The following NRG3 variants were observed in gnomAD, a reference collection of about 807,000 sequenced individuals.
NRG3 encodes pro-neuregulin-3, membrane-bound isoform.
In NRG3, 31 loss-of-function variants were observed where a neutral mutation model predicts 66.9. The ratio of observed to expected loss-of-function variants is 0.46; its 90% CI spans 0.35 to 0.63. The LOEUF is 0.63. Ranked by LOEUF, NRG3 falls within the 20% of genes least tolerant of loss-of-function variation. The pLI, the probability that NRG3 is intolerant of heterozygous loss-of-function variation, is 0.00. For missense variants in NRG3, 910 were observed against 878.9 expected (o/e 1.04, Z -0.45); for synonymous variants, 393 against 359.4 (o/e 1.09, Z -1.06).
chr10:81,883,640 G>T (rs916351865), intron 1 of NRG3, among the ~76,000 whole-genome samples: 1 of 152,106 alleles, frequency 6.6e-6, no homozygotes, highest in Non-Finnish European at 1.5e-5. Context: ...TTACAGCCAG[G>T]GTTATGGGAA....
intron 2 of NRG3, among the ~76,000 whole-genome samples, chr10:82,414,697 G>A (rs1482045200): frequency 2.0e-5 from 3 of 152,158 alleles, no homozygotes; most frequent in Non-Finnish European, 4.4e-5. Flanking sequence ...ATATCAATCA[G>A]GGTTCCCCCA....
intron 1 of NRG3, among the ~76,000 whole-genome samples, chr10:81,988,379 G>T (rs531570165): frequency 1.3e-5 from 2 of 152,282 alleles, no homozygotes; most frequent in Admixed American, 6.5e-5. Context: ...CATTAAGCAT[G>T]CCCGGCTTTG....
In NRG3 at chr10:82,542,307, T is replaced by C. The variant is rs949838399; in HGVS notation, c.953+183439T>C. On this transcript the variant is annotated intron_variant, in intron 2 of 8. Transcript: ENST00000372141. Reference sequence around the variant, plus strand: ...TGGGCAGGGAAAATTCAAGATGTAGTTGGAACATTTTATTTTGTCAAAAAG... The same window carrying C: ...TGGGCAGGGAAAATTCAAGATGTAGCTGGAACATTTTATTTTGTCAAAAAG... 8.5e-5 allele frequency among the ~76,000 whole-genome samples: 13 copies of C among 152,160 alleles called. No homozygotes were observed. In the East Asian group the frequency reaches 1.4e-3, roughly 16 times the overall value.
chr10:82,928,608 G>A (rs1053164376), intron 4 of NRG3, among the ~76,000 whole-genome samples: 3 of 83,526 alleles, frequency 3.6e-5, no homozygotes, highest in East Asian at 8.1e-4. Flanking sequence ...TCAGGGATCA[G>A]CAGGTTTTTT....
chr10:82,316,156 A>G (rs1445345564), intron 1 of NRG3, among the ~76,000 whole-genome samples: 1 of 152,140 alleles, frequency 6.6e-6, no homozygotes, highest in Non-Finnish European at 1.5e-5. Context: ...AACCCCCGCG[A>G]AAAGAGTGCA....
chr10:82,078,802 A>T (rs558958896), intron 1 of NRG3, among the ~76,000 whole-genome samples: 4 of 152,204 alleles, frequency 2.6e-5, no homozygotes, highest in African/African-American at 4.8e-5. Flanking sequence ...TGTGGGGCTC[A>T]TAAGTATTTT....
At chr10:82,240,650 G>A (rs1467014422) in intron 1 of NRG3, among the ~76,000 whole-genome samples, 4 of 152,120 alleles carry the variant, frequency 2.6e-5, no homozygotes, top group Admixed American at 2.6e-4. Context: ...AGTTGATTAT[G>A]TAGTTCATTC....
At chr10:82,247,569 C>T (rs1410107338) in intron 1 of NRG3, among the ~76,000 whole-genome samples, 2 of 152,120 alleles carry the variant, frequency 1.3e-5, no homozygotes, top group East Asian at 3.9e-4. Flanking sequence ...CAGTCCATTA[C>T]AGGGTCCAAG....
intron 2 of NRG3, among the ~76,000 whole-genome samples, chr10:82,608,066 A>G (rs2048079019): frequency 6.6e-6 from 1 of 152,126 alleles, no homozygotes; most frequent in Admixed American, 6.6e-5. Context: ...TCAGTTTCTG[A>G]CTTATACCAT....
chr10:82,239,847 A>T (rs1589434776), intron 1 of NRG3, among the ~76,000 whole-genome samples: 1 of 152,136 alleles, frequency 6.6e-6, no homozygotes, highest in Non-Finnish European at 1.5e-5. Flanking sequence ...GCCAGTATTT[A>T]TAATATGATC....
chr10:82,177,470 A>G (rs2073117286), intron 1 of NRG3, among the ~76,000 whole-genome samples: 2 of 152,240 alleles, frequency 1.3e-5, no homozygotes, highest in African/African-American at 2.4e-5. Flanking sequence ...ATAACTGAGT[A>G]CAAAGACCAA....
chr10:82,724,275 G>T (rs1245587511), intron 2 of NRG3, among the ~76,000 whole-genome samples: 1 of 151,422 alleles, frequency 6.6e-6, no homozygotes, highest in African/African-American at 2.4e-5. Context: ...AGGTACATGA[G>T]GCTTTTAATA....
chr10:82,013,237 C>T (rs190730271), intron 1 of NRG3, among the ~76,000 whole-genome samples: 2 of 152,096 alleles, frequency 1.3e-5, no homozygotes, highest in South Asian at 2.1e-4. Flanking sequence ...CAGGGGAACT[C>T]TCATTTATAA....
rs115197643 is a variant in NRG3 at position 82,672,510 on chromosome 10, G to A, written c.954-66067G>A. Among the ~76,000 whole-genome samples, 683 of 152,278 alleles carry A rather than the reference G, an allele frequency of 4.5e-3. 8 individuals are homozygous for A. The highest frequency in any genetic ancestry group is 0.015 in the African/African-American group (634 of 41,554). ...TAATGTCAATGTGGAGAGTAGTAAT[G>A]AGCTTTCTGCCTTCATTTACGACTA... On this transcript the variant is annotated intron_variant, in intron 2 of 8. Coordinates refer to ENST00000372141, the MANE Select transcript of NRG3 (RefSeq NM_001010848.4).
At chr10:82,383,860 A>G (rs2085794481) in intron 2 of NRG3, among the ~76,000 whole-genome samples, 1 of 151,898 alleles carries the variant, frequency 6.6e-6, no homozygotes, top group East Asian at 1.9e-4. Context: ...GTTCACAGAT[A>G]CAAAATTCAA....
chr10:82,439,114 T>C (rs931085858), intron 2 of NRG3, among the ~76,000 whole-genome samples: 10 of 152,166 alleles, frequency 6.6e-5, no homozygotes, highest in African/African-American at 2.4e-4. Context: ...TTATTTGTAA[T>C]GTTTTAAAGT....
At chr10:82,530,170 C>A (rs1272030468) in intron 2 of NRG3, among the ~76,000 whole-genome samples, 1 of 151,980 alleles carries the variant, frequency 6.6e-6, no homozygotes, top group African/African-American at 2.4e-5. Context: ...CTACTTGTTT[C>A]TTTTTCACAG....
intron 2 of NRG3, among the ~76,000 whole-genome samples, chr10:82,419,358 G>T (rs934017359): frequency 6.6e-6 from 1 of 152,044 alleles, no homozygotes; most frequent in African/African-American, 2.4e-5. Context: ...CAAATGCAAG[G>T]TCTTGCTTAG....
At chr10:81,976,733 A>T (rs946855886) in intron 1 of NRG3, among the ~76,000 whole-genome samples, 3 of 152,196 alleles carry the variant, frequency 2.0e-5, no homozygotes, top group Non-Finnish European at 4.4e-5. Context: ...TTTTGGTATG[A>T]ATGTGCAATT....
Sources: gnomAD v4.1 joint callset for allele counts (sites outside exome capture counted in the v4.1 genomes callset) on GRCh38, gnomAD v4.1.1 for gene constraint, MANE v1.5 for transcripts, NCBI Gene and HGNC (gene_info 2026-07-23, HGNC 2026-07-21) for gene names.